Variants in COMMD1 observed in about 807,000 individuals in gnomAD.
COMMD1 encodes COMM domain-containing protein 1.
Under a neutral mutation model 17.2 loss-of-function variants are expected in COMMD1, and 10 were observed. The ratio of observed to expected loss-of-function variants is 0.58; its 90% CI spans 0.36 to 0.99. The LOEUF is 0.99. Among genes scored for constraint, COMMD1 ranks in the 50% least tolerant of loss-of-function variants. The probability of loss-of-function intolerance (pLI) is 0.01; values close to 1 mark genes in which losing one functional copy is unlikely to be tolerated. For missense variants in COMMD1, 270 were observed against 231.8 expected (o/e 1.17, Z -1.07); for synonymous variants, 97 against 91.6 (o/e 1.06, Z -0.34).
At chr2:62,130,154 CAAA>C (rs531499822) in intron 2 of COMMD1, among the ~76,000 whole-genome samples, 1 of 89,410 alleles carries the variant, frequency 1.1e-5, no homozygotes, top group Admixed American at 1.4e-4. Flanking sequence ...GACTCTGTCT[CAAA>C]AAAAAAAAAA....
At chr2:61,901,995 G>A (rs888381661), upstream of COMMD1, among the ~76,000 whole-genome samples, 2 of 151,802 alleles carry the variant, frequency 1.3e-5, no homozygotes, top group African/African-American at 4.8e-5. Context: ...ATCACGCCCA[G>A]CTAATTTTTG....
chr2:62,117,296 G>GT (rs772742803), intron 2 of COMMD1, among the ~76,000 whole-genome samples: 1 of 152,220 alleles, frequency 6.6e-6, no homozygotes, highest in Non-Finnish European at 1.5e-5. Flanking sequence ...TGTACATAAA[G>GT]TGGTTTTCAT....
At chr2:61,950,694 C>G (rs904269023) in intron 1 of COMMD1, among the ~76,000 whole-genome samples, 15 of 152,200 alleles carry the variant, frequency 9.9e-5, no homozygotes, top group Admixed American at 5.9e-4. Context: ...TACTTTAACA[C>G]AGGCACTGTG....
In COMMD1 at chr2:62,110,823, A is replaced by T. The variant is rs548363548; in HGVS notation, c.463-25008A>T. On this transcript the variant is annotated intron_variant, in intron 2 of 2. Coordinates refer to ENST00000311832, the MANE Select transcript of COMMD1 (RefSeq NM_152516.4). ...ATACAGATTAACAAGAGAAAAACAG[A>T]TGGAAATGTAATAAGATACCTCTTG... is the stretch of plus-strand genomic sequence containing the variant. 5.3e-5 allele frequency among the ~76,000 whole-genome samples: 8 copies of T among 152,296 alleles called. No homozygotes were observed. The South Asian group carries it at 1.4e-3, about 28-fold the overall frequency.
intron 1 of COMMD1, among the ~76,000 whole-genome samples, chr2:61,954,705 A>G (rs1671148549): frequency 6.6e-6 from 1 of 151,742 alleles, no homozygotes; most frequent in Non-Finnish European, 1.5e-5. Flanking sequence ...TTTTTGAGAC[A>G]AAGTCTCGCT....
intron 2 of COMMD1, among the ~76,000 whole-genome samples, chr2:62,049,830 G>A (rs1573116700): frequency 6.6e-6 from 1 of 152,086 alleles, no homozygotes; most frequent in African/African-American, 2.4e-5. Flanking sequence ...TGTAGTAGGG[G>A]ATAATGGCTA....
intron 1 of COMMD1, among the ~76,000 whole-genome samples, chr2:61,950,262 A>G (rs964323100): frequency 5.9e-5 from 9 of 152,178 alleles, no homozygotes; most frequent in African/African-American, 2.2e-4. Context: ...CAAGCAGGAA[A>G]TCCCAGCCAT....
chr2:61,917,768 T>G (rs1267921412), intron 1 of COMMD1, among the ~76,000 whole-genome samples: 4 of 152,228 alleles, frequency 2.6e-5, no homozygotes, highest in Non-Finnish European at 5.9e-5. Context: ...CCACTCCTCG[T>G]GATCCGCCCG....
chr2:62,089,307 G>A (rs1285298957), intron 2 of COMMD1, among the ~76,000 whole-genome samples: 1 of 133,412 alleles, frequency 7.5e-6, no homozygotes, highest in African/African-American at 2.8e-5. Context: ...CTTTTTTTCA[G>A]TCGAGTCTCA....
At chr2:62,038,631 T>C (rs1670104504) in intron 2 of COMMD1, among the ~76,000 whole-genome samples, 1 of 152,122 alleles carries the variant, frequency 6.6e-6, no homozygotes, top group Admixed American at 6.5e-5. Context: ...TATTGCAACC[T>C]CAGCCTCCTG....
chr2:62,079,569 A>G (rs1271710415), intron 2 of COMMD1: 1 of 152,452 alleles, frequency 6.6e-6, no homozygotes, highest in Non-Finnish European at 1.5e-5. Flanking sequence ...CCCTCACTCA[A>G]GATGGAGTTG....
chr2:62,076,923 A>G (rs972210019), intron 2 of COMMD1, among the ~76,000 whole-genome samples: 2 of 152,086 alleles, frequency 1.3e-5, no homozygotes, highest in Non-Finnish European at 1.5e-5. Flanking sequence ...TTTGAGCCCA[A>G]GAGTTTGAGA....
upstream of COMMD1, chr2:61,888,694 G>C (rs892875135): frequency 1.6e-6 from 1 of 636,086 alleles, no homozygotes; most frequent in Non-Finnish European, 2.6e-6. Context: ...CGTGACGTAG[G>C]AGGCTGTCCG....
chr2:62,123,133 G>T (rs753616051), intron 2 of COMMD1, among the ~76,000 whole-genome samples: 93 of 152,084 alleles, frequency 6.1e-4, no homozygotes, highest in Non-Finnish European at 9.1e-4. Flanking sequence ...CCAAGCCAGG[G>T]GGATTGCTTG....
chr2:62,123,005 C>T (rs1473817131), intron 2 of COMMD1, among the ~76,000 whole-genome samples: 1 of 152,112 alleles, frequency 6.6e-6, no homozygotes, highest in Non-Finnish European at 1.5e-5. Context: ...TGCTAATGCC[C>T]CCTTTGTAAG....
At chr2:61,901,294 A>G (rs1283074093), upstream of COMMD1, among the ~76,000 whole-genome samples, 2 of 152,038 alleles carry the variant, frequency 1.3e-5, no homozygotes, top group African/African-American at 4.8e-5. Context: ...TTTCTCTGCA[A>G]TGTAGAATAC....
At chr2:62,038,184 AGG>A (rs1413443567) in intron 2 of COMMD1, among the ~76,000 whole-genome samples, 2 of 152,136 alleles carry the variant, frequency 1.3e-5, no homozygotes, top group East Asian at 3.9e-4. Context: ...GCTACTTGGG[AGG>A]CTAAGGCAGG....
intron 2 of COMMD1, among the ~76,000 whole-genome samples, chr2:62,022,785 C>G (rs1019190147): frequency 6.6e-6 from 1 of 152,012 alleles, no homozygotes; most frequent in Non-Finnish European, 1.5e-5. Context: ...GTCTGTGAAC[C>G]TGAAATGGAA....
chr2:62,100,545 G>T (rs1437186943), intron 2 of COMMD1, among the ~76,000 whole-genome samples: 1 of 152,116 alleles, frequency 6.6e-6, no homozygotes, highest in African/African-American at 2.4e-5. Context: ...CAACTCAAAG[G>T]CAGGAGGCGG....
Sources: allele counts gnomAD v4.1 joint callset (sites outside exome capture counted in the v4.1 genomes callset), GRCh38; gene constraint gnomAD v4.1.1; transcripts MANE v1.5; gene names NCBI Gene and HGNC (gene_info 2026-07-23, HGNC 2026-07-21).